Variants in IL1RAPL1 observed in about 807,000 individuals in gnomAD.
IL1RAPL1 encodes interleukin 1 receptor accessory protein like 1.
Under a neutral mutation model 48.4 loss-of-function variants are expected in IL1RAPL1, and 3 were observed. That is an observed-to-expected ratio of 0.06 (90% confidence interval 0.03 to 0.16). The LOEUF is 0.16. IL1RAPL1 is among the 10% of genes least tolerant of loss of function. IL1RAPL1 has a pLI of 1.00. For synonymous variants in IL1RAPL1, 185 were observed against 187.7 expected (o/e 0.99, Z 0.12); for missense variants, 349 against 530.6 (o/e 0.66, Z 3.36).
At chrX:28,659,182 A>G (rs1410846778) in intron 1 of IL1RAPL1, 2 of 701,023 alleles carry the variant, frequency 2.9e-6, no homozygotes, top group Non-Finnish European at 4.5e-6. Context: ...GCTAGGCCTC[A>G]GTTGCCTCCT....
At chrX:29,258,133 A>G (rs1271726707) in intron 2 of IL1RAPL1, among the ~76,000 whole-genome samples, 3 of 111,105 alleles carry the variant, frequency 2.7e-5, no homozygotes, top group African/African-American at 9.8e-5. Flanking sequence ...TACTAAGTAT[A>G]CATGACTTAT....
chrX:29,033,394 A>G (rs1926662864), intron 2 of IL1RAPL1, among the ~76,000 whole-genome samples: 1 of 111,662 alleles, frequency 9.0e-6, no homozygotes, highest in Admixed American at 9.6e-5. Flanking sequence ...GATTTCACAA[A>G]GAGGGTAGAA....
chrX:29,748,057 C>T (rs1601806745), intron 6 of IL1RAPL1, among the ~76,000 whole-genome samples: 1 of 112,220 alleles, frequency 8.9e-6, no homozygotes, highest in South Asian at 3.7e-4. Flanking sequence ...CTGTCATGTG[C>T]CGTTGGGACG....
At chrX:29,133,638 A>G (rs1411885710) in intron 2 of IL1RAPL1, among the ~76,000 whole-genome samples, 1 of 111,588 alleles carries the variant, frequency 9.0e-6, no homozygotes, top group East Asian at 2.8e-4. Flanking sequence ...TTGTGTGGTA[A>G]ATTTGTTACA....
At chrX:28,894,026 T>C (rs1922842010) in intron 2 of IL1RAPL1, among the ~76,000 whole-genome samples, 1 of 111,970 alleles carries the variant, frequency 8.9e-6, no homozygotes, top group Non-Finnish European at 1.9e-5. Flanking sequence ...TCTGACGCCT[T>C]TTGTTGCCCC....
chrX:28,707,687 C>T (rs769682434), intron 1 of IL1RAPL1, among the ~76,000 whole-genome samples: 14 of 111,748 alleles, frequency 1.3e-4, no homozygotes, highest in South Asian at 1.1e-3. Flanking sequence ...GAGCTTGACC[C>T]GAATGATGTT....
intron 5 of IL1RAPL1, among the ~76,000 whole-genome samples, chrX:29,436,078 C>A (rs1310235878): frequency 9.2e-6 from 1 of 109,178 alleles, no homozygotes; most frequent in Non-Finnish European, 1.9e-5. Context: ...CCATTAAGTC[C>A]ATTGGACTGG....
intron 2 of IL1RAPL1, among the ~76,000 whole-genome samples, chrX:29,252,276 G>GA (rs1208250005): frequency 4.2e-5 from 2 of 47,724 alleles, no homozygotes; most frequent in African/African-American, 4.9e-5. Context: ...AATAGTAAAA[G>GA]AAAAAAGAAA....
At chrX:28,912,724 C>T (rs987665450) in intron 2 of IL1RAPL1, among the ~76,000 whole-genome samples, 1 of 111,120 alleles carries the variant, frequency 9.0e-6, no homozygotes, top group African/African-American at 3.3e-5. Context: ...CAGGTTCTAA[C>T]ATTTAAAATG....
intron 7 of IL1RAPL1, among the ~76,000 whole-genome samples, chrX:29,918,868 T>C (rs1030508001): frequency 1.8e-5 from 2 of 112,192 alleles, no homozygotes; most frequent in African/African-American, 6.5e-5. Flanking sequence ...TTATTCATAA[T>C]GTAAATATGC....
chrX:29,540,632 C>A (rs1921407771), intron 5 of IL1RAPL1, among the ~76,000 whole-genome samples: 1 of 111,145 alleles, frequency 9.0e-6, no homozygotes, highest in Non-Finnish European at 1.9e-5. Context: ...AGCCGCATAC[C>A]TACAGTCATC....
At chrX:28,624,648 GC>G (rs1934318618) in intron 1 of IL1RAPL1, among the ~76,000 whole-genome samples, 1 of 111,685 alleles carries the variant, frequency 9.0e-6, no homozygotes, top group Non-Finnish European at 1.9e-5. Context: ...ACTCCGTGAA[GC>G]TTTTATCAAT....
At chrX:29,763,049 TG>T (rs1279939281) in intron 6 of IL1RAPL1, among the ~76,000 whole-genome samples, 94 of 109,568 alleles carry the variant, frequency 8.6e-4, no homozygotes, top group African/African-American at 3.0e-3. Context: ...AAAAGTTTTT[TG>T]TTTTTTTTTT....
chrX:29,614,006 G>A (rs1377745731), intron 5 of IL1RAPL1, among the ~76,000 whole-genome samples: 2 of 109,518 alleles, frequency 1.8e-5, no homozygotes, highest in South Asian at 7.9e-4. Context: ...CTCGTGATCT[G>A]CCCACCTCGG....
chrX:29,748,515 A>G (rs1928387299), intron 6 of IL1RAPL1, among the ~76,000 whole-genome samples: 1 of 112,817 alleles, frequency 8.9e-6, no homozygotes, highest in Non-Finnish European at 1.9e-5. Flanking sequence ...AGTGCTTTAA[A>G]TGTACTAACA....
intron 5 of IL1RAPL1, among the ~76,000 whole-genome samples, chrX:29,445,916 G>T (rs938789890): frequency 8.9e-6 from 1 of 111,863 alleles, no homozygotes; most frequent in African/African-American, 3.2e-5. Context: ...CTGTAACAAA[G>T]TTGCTGTTCA....
In IL1RAPL1 at chrX:29,633,468, TACACACACACAC is replaced by T. The variant is rs200222696; in HGVS notation, c.704-34938_704-34927del. Among the ~76,000 whole-genome samples, 408 of 97,742 alleles carry T rather than the reference TACACACACACAC, an allele frequency of 4.2e-3. 5 individuals carry two copies. The highest frequency in any genetic ancestry group is 0.032 in the Admixed American group (281 of 8,753). The allele number at this position is 97,742 out of a possible 115,157, so 84.9% of individuals were successfully genotyped here. Reference sequence around the variant, plus strand: ...TTGTGACAATTTATCGATATATATATACACACACACACACACACACACACACACACACACATA... The same window carrying T: ...TTGTGACAATTTATCGATATATATATACACACACACACACACACACACATA... On this transcript the variant is annotated intron_variant, in intron 5 of 10. Transcript: ENST00000378993.
chrX:29,279,626 C>T (rs1932170832), intron 2 of IL1RAPL1, among the ~76,000 whole-genome samples: 1 of 111,288 alleles, frequency 9.0e-6, no homozygotes, highest in East Asian at 2.8e-4. Flanking sequence ...GAAATGAACA[C>T]CAAGTGTCTC....
chrX:29,540,627 C>T (rs1921407516), intron 5 of IL1RAPL1, among the ~76,000 whole-genome samples: 1 of 111,181 alleles, frequency 9.0e-6, no homozygotes, highest in South Asian at 3.8e-4. Context: ...AATAAAGCCG[C>T]ATACCTACAG....
Sources: allele counts gnomAD v4.1 joint callset (sites outside exome capture counted in the v4.1 genomes callset), GRCh38; gene constraint gnomAD v4.1.1; transcripts MANE v1.5; gene names NCBI Gene and HGNC (gene_info 2026-07-23, HGNC 2026-07-21).